The following CTCF variants were observed in gnomAD, a reference collection of about 807,000 sequenced individuals.
CTCF encodes the protein CCCTC-binding factor.
A neutral mutation model predicts 72.3 loss-of-function variants in CTCF; 7 were observed. The ratio of observed to expected loss-of-function variants is 0.10; its 90% CI spans 0.06 to 0.18. CTCF has a LOEUF of 0.18. Among genes scored for constraint, CTCF ranks in the 10% least tolerant of loss-of-function variants. CTCF has a pLI of 1.00. For missense variants in CTCF, 516 were observed against 949.1 expected, an observed-to-expected ratio of 0.54 and a Z score of 6.00; for synonymous variants, 374 against 315.8, an observed-to-expected ratio of 1.18 and a Z score of -1.95.
intron 11 of CTCF, among the ~76,000 whole-genome samples, chr16:67,637,271 C>T (rs1238954501): frequency 2.0e-5 from 3 of 152,192 alleles, no homozygotes; most frequent in Non-Finnish European, 1.5e-5. Context: ...GTGGCTCATG[C>T]CTGTGATCCC....
At chr16:67,629,030 C>T (rs960443477) in intron 9 of CTCF, among the ~76,000 whole-genome samples, 1 of 150,064 alleles carries the variant, frequency 6.7e-6, no homozygotes, top group South Asian at 2.1e-4. Context: ...CCAGCCTGGG[C>T]GAAAGAGCAA....
At chr16:67,610,357 T>C (rs560684607) in intron 2 of CTCF, among the ~76,000 whole-genome samples, 4 of 146,956 alleles carry the variant, frequency 2.7e-5, no homozygotes, top group African/African-American at 1.0e-4. Flanking sequence ...TTTCTTTTTT[T>C]TTTTTTTTTT....
intron 10 of CTCF, 92 bp downstream of exon 10, chr16:67,629,625 G>A: frequency 7.6e-7 from 1 of 1,315,506 alleles, no homozygotes; most frequent in South Asian, 1.5e-5. Context: ...GGATATAGAG[G>A]CGGGCACACA....
chr16:67,626,816 T>C lies in CTCF; in HGVS notation c.1518+101T>C, dbSNP rs944813553. ...CAGTGGCTGTTTTTAAAGATAGTAT[T>C]TTCAAACTGTGGATTATGAGGAATG... is the stretch of plus-strand genomic sequence containing the variant. On this transcript the variant is annotated intron_variant, in intron 8 of 11. Coordinates refer to ENST00000264010, the MANE Select transcript of CTCF (RefSeq NM_006565.4). The C allele has an allele frequency of 4.7e-6, 4 of 848,348 alleles. No individual in the cohort carries two copies. The African/African-American group carries it at 7.0e-5, about 15-fold the overall frequency. The allele number at this position is 848,348 out of a possible 1,614,324, so 52.6% of individuals were successfully genotyped here.
At chr16:67,566,608 G>C (rs1023715940) in intron 1 of CTCF, among the ~76,000 whole-genome samples, 2 of 150,216 alleles carry the variant, frequency 1.3e-5, no homozygotes, top group East Asian at 3.9e-4. Context: ...ATGGAGTCTC[G>C]CTTTGTCTAC....
At chr16:67,567,787 C>G (rs1337093755) in intron 1 of CTCF, 2 of 151,302 alleles carry the variant, frequency 1.3e-5, no homozygotes, top group Non-Finnish European at 2.9e-5. Context: ...AGACAGGATC[C>G]TACTATGTTG....
chr16:67,591,795 C>T (rs1421940132), intron 2 of CTCF, among the ~76,000 whole-genome samples: 1 of 152,068 alleles, frequency 6.6e-6, no homozygotes, highest in East Asian at 1.9e-4. Context: ...TGATAGCTTA[C>T]TGCAGCCTGG....
intron 9 of CTCF, 122 bp downstream of exon 9, chr16:67,628,674 A>G: frequency 1.0e-6 from 1 of 996,520 alleles, no homozygotes; most frequent in South Asian, 1.5e-5. Context: ...ATTGTTTGGA[A>G]AGGGTTAGTC....
intron 2 of CTCF, among the ~76,000 whole-genome samples, chr16:67,604,660 G>A (rs2142801866): frequency 6.6e-6 from 1 of 150,436 alleles, no homozygotes; most frequent in Middle Eastern, 3.4e-3. Flanking sequence ...TTAAATTGAT[G>A]AAACCTTGAA....
At chr16:67,619,034 G>A (rs1208736648) in intron 5 of CTCF, among the ~76,000 whole-genome samples, 4 of 152,178 alleles carry the variant, frequency 2.6e-5, no homozygotes, top group Admixed American at 6.6e-5. Context: ...AGTAGGTTCT[G>A]GTACATATTG....
rs2052470155 is a variant in CTCF at position 67,639,047 on chromosome 16, T to C, written c.*1175T>C. The C allele has an allele frequency of 4.9e-6, 1 of 202,826 alleles. No homozygotes were observed. Among genetic ancestry groups the C allele is most frequent in the African/African-American group, 2.3e-5 (1 of 43,622 alleles). 12.6% of individuals were successfully genotyped at this position (202,826 alleles called of 1,614,324 possible). On this transcript the variant is annotated 3_prime_UTR_variant, in exon 12 of 12. Coordinates refer to ENST00000264010, the MANE Select transcript of CTCF (RefSeq NM_006565.4). ...GGTTGATGCATTTTGTACTTAGCTGTACTGTGTGATATTTTTCATTATTTT... is the reference window on the plus strand; with the variant it reads ...GGTTGATGCATTTTGTACTTAGCTGCACTGTGTGATATTTTTCATTATTTT...
At chr16:67,582,650 G>A (rs544469450) in intron 2 of CTCF, among the ~76,000 whole-genome samples, 116 of 152,124 alleles carry the variant, frequency 7.6e-4, no homozygotes, top group Middle Eastern at 3.4e-3. Flanking sequence ...CCGAGATCGC[G>A]CCACTGCACT....
At chr16:67,600,814 A>G (rs941958317) in intron 2 of CTCF, among the ~76,000 whole-genome samples, 1 of 152,110 alleles carries the variant, frequency 6.6e-6, no homozygotes, top group Non-Finnish European at 1.5e-5. Context: ...ATATTAGGTG[A>G]TTTTCGTAAT....
chr16:67,608,018 CAA>C (rs549111284), intron 2 of CTCF, among the ~76,000 whole-genome samples: 29 of 105,698 alleles, frequency 2.7e-4, no homozygotes, highest in Admixed American at 2.9e-4. Context: ...GACTCCGACT[CAA>C]AAAAAAAAAA....
chr16:67,638,268 A>G lies in CTCF; in HGVS notation c.*396A>G, dbSNP rs992927255. 5 of 243,428 alleles carry G rather than the reference A, an allele frequency of 2.1e-5. No homozygotes were observed. Among genetic ancestry groups the G allele is most frequent in the Non-Finnish European group, 4.0e-5 (5 of 125,002 alleles). The allele number at this position is 243,428 out of a possible 1,614,324, so 15.1% of individuals were successfully genotyped here. A position where few individuals can be genotyped will look rare whatever the true frequency, so the allele number is the denominator to read the frequency against. ...TTTTAATTGTAAATGCATACTTGGG[A>G]AGGACTTAGAGTTTTAAACTGTTTT... On this transcript the variant is annotated 3_prime_UTR_variant, in exon 12 of 12. Transcript: ENST00000264010.
At position 67,637,902 on chromosome 16, in the gene CTCF, C is replaced by T. The variant is rs201131761; in HGVS notation, c.*30C>T. 263 of 1,541,110 alleles carry T rather than the reference C, an allele frequency of 1.7e-4. No homozygotes were observed. The highest frequency in any genetic ancestry group is 2.2e-4 in the Non-Finnish European group (249 of 1,139,562). On this transcript the variant is annotated 3_prime_UTR_variant, in exon 12 of 12. Coordinates refer to ENST00000264010, the MANE Select transcript of CTCF (RefSeq NM_006565.4). Reference sequence around the variant, plus strand: ...GGAGCCTTGTGCGTCGCCAGGACTTCTCTGGGCTGTGTTTAAACGGCCCGC... The same window carrying T: ...GGAGCCTTGTGCGTCGCCAGGACTTTTCTGGGCTGTGTTTAAACGGCCCGC...
intron 1 of CTCF, among the ~76,000 whole-genome samples, chr16:67,567,719 T>G (rs2051361174): frequency 6.6e-6 from 1 of 151,564 alleles, no homozygotes; most frequent in Non-Finnish European, 1.5e-5. Flanking sequence ...GCCTCCCAAG[T>G]AGCTGGTACT....
At chr16:67,577,435 C>CT (rs111728249) in intron 2 of CTCF, among the ~76,000 whole-genome samples, 2,322 of 140,172 alleles carry the variant, frequency 0.017, 23 homozygotes, top group Non-Finnish European at 0.024. Context: ...GTCTAGACTT[C>CT]TTTTTTTTTT....
intron 1 of CTCF, among the ~76,000 whole-genome samples, chr16:67,567,506 T>C (rs1369380816): frequency 1.3e-5 from 2 of 152,194 alleles, no homozygotes; most frequent in African/African-American, 4.8e-5. Flanking sequence ...TAGTGAGTTT[T>C]GTGGAGTTTA....
Sources: allele counts gnomAD v4.1 joint callset (sites outside exome capture counted in the v4.1 genomes callset), GRCh38; gene constraint gnomAD v4.1.1; transcripts MANE v1.5; gene names NCBI Gene and HGNC (gene_info 2026-07-23, HGNC 2026-07-21).